Variants in CCDC8 observed in about 807,000 individuals in gnomAD.
CCDC8 encodes the protein coiled-coil domain containing 8 subunit of 3M complex, also known as coiled-coil domain-containing protein 8.
CCDC8 carries 6 observed loss-of-function variants against 5.2 expected under a neutral mutation model. The observed-to-expected ratio is 1.16, with a 90% CI of 0.63 to 2.28. The LOEUF is 2.28. Ranked by LOEUF, CCDC8 falls within the 30% of genes most tolerant of loss-of-function variation. The pLI, the probability that CCDC8 is intolerant of heterozygous loss-of-function variation, is 0.00. For synonymous variants in CCDC8, 310 were observed against 286.5 expected (o/e 1.08, Z -0.83); for missense variants, 724 against 712.2 (o/e 1.02, Z -0.19).
At position 46,411,873 on chromosome 19, in the gene CCDC8, T is replaced by C; in HGVS notation, c.938A>G (p.Glu313Gly). 1 of 1,613,956 alleles carries C rather than the reference T, an allele frequency of 6.2e-7. No individual in the cohort carries two copies. Among genetic ancestry groups the C allele is most frequent in the African/African-American group, 1.3e-5 (1 of 74,996 alleles). Residue 313 changes from glutamate to glycine, a missense_variant, in exon 1 of 1, where the codon GAA becomes GGA. Transcript: ENST00000307522. ...TGCCCTCTGATTACCTGCAGCCCCT[T>C]CCCGCTGGTCAGCTATGGCCTCTTC... is the stretch of plus-strand genomic sequence containing the variant. ...QREEAIADQR[E>G]GAAGNQRAGA...
rs1276210718 is a variant in CCDC8, at chr19:46,411,832, G to A, written c.979C>T (p.Gln327Ter). 1 of 1,608,466 alleles carries A rather than the reference G, an allele frequency of 6.2e-7. No individual in the cohort carries two copies. The highest frequency in any genetic ancestry group is 2.2e-5 in the East Asian group (1 of 44,866). Residue 327 changes from glutamine to a stop codon, truncating the protein, a stop_gained, in exon 1 of 1, where the codon CAG (glutamine) becomes TAG (stop). Coordinates refer to ENST00000307522, the MANE Select transcript of CCDC8 (RefSeq NM_032040.5). LOFTEE classifies it low-confidence loss of function (END_TRUNC). The stretch of plus-strand genomic sequence containing the variant: ...TGATTATCTGCAGCCTCTGCCCCCT[G>A]GTCAGCTGGGGCCCCTGCCCTCTGA... Reference protein sequence around the residue: ...GNQRAGAPADQGAEAADNQRE... With the variant: ...GNQRAGAPAD
Position 46,412,547 on chromosome 19 carries a change from A to C in CCDC8, c.264T>G (p.Pro88=), listed in dbSNP as rs1372738092. The change falls in exon 1 of 1, where the codon CCT becomes CCG. Residue 88 remains proline, a synonymous_variant. Coordinates refer to ENST00000307522, the MANE Select transcript of CCDC8 (RefSeq NM_032040.5). The surrounding 1 kb of genome is among the most constrained non-coding windows in gnomAD (Gnocchi z 4.7). ...ACGTGCCCACGACCAGCCGGGGCGG[A>C]GGAGTCACCATCTGCTGCACTCTCC... ...VRRRVQQMVT[P]PPRLVVGTYD... 6.2e-7 allele frequency: 1 copy of C among 1,606,906 alleles called. No homozygotes were observed.
rs1224913332 is a variant in CCDC8 at position 46,412,579 on chromosome 19, C to A, written c.232G>T (p.Val78Leu). Reference sequence around the variant, plus strand: ...ACCATCTGCTGCACTCTCCTCCTCACTCGGGGCTCCTTGGGCTTTTTGGGG... The same window carrying A: ...ACCATCTGCTGCACTCTCCTCCTCAATCGGGGCTCCTTGGGCTTTTTGGGG... ...QPPKKPKEPR[V>L]RRRVQQMVTP... Residue 78 changes from valine (V) to leucine (L), a missense_variant, in exon 1 of 1, where the codon GTG becomes TTG. Transcript: ENST00000307522. The surrounding 1 kb of genome is among the most constrained non-coding windows in gnomAD (Gnocchi z 4.7). The A allele has an allele frequency of 6.2e-7, 1 of 1,604,626 alleles. No homozygotes were observed. Among genetic ancestry groups the A allele is most frequent in the African/African-American group, 1.3e-5 (1 of 74,660 alleles).
chr19:46,412,583 G>C lies in CCDC8; in HGVS notation c.228C>G (p.Pro76=). ...PPQPPKKPKE[P]RVRRRVQQMV... is the part of the protein sequence containing the mutation. Reference sequence around the variant, plus strand: ...TCTGCTGCACTCTCCTCCTCACTCGGGGCTCCTTGGGCTTTTTGGGGGGCT... The same window carrying C: ...TCTGCTGCACTCTCCTCCTCACTCGCGGCTCCTTGGGCTTTTTGGGGGGCT... The change falls in exon 1 of 1, where the codon CCC becomes CCG. Residue 76 remains proline (P), a synonymous_variant. Coordinates refer to ENST00000307522, the MANE Select transcript of CCDC8 (RefSeq NM_032040.5). The surrounding 1 kb of genome is among the most constrained non-coding windows in gnomAD (Gnocchi z 4.7). 6.2e-7 allele frequency: 1 copy of C among 1,603,980 alleles called. No homozygotes were observed.
chr19:46,412,095 G>A lies in CCDC8; in HGVS notation c.716C>T (p.Ala239Val). 2 of 1,599,506 alleles carry A rather than the reference G, an allele frequency of 1.3e-6. No homozygotes were observed. Among genetic ancestry groups the A allele is most frequent in the Non-Finnish European group, 1.7e-6 (2 of 1,179,950 alleles). Residue 239 changes from alanine to valine, a missense_variant, in exon 1 of 1, where the codon GCG becomes GTG. By Grantham distance (64) the Ala-to-Val change is moderately conservative. Transcript: ENST00000307522. This position sits in a 1 kb window ranked among gnomAD's most constrained non-coding sequence, Gnocchi z 4.7. ...ATCCCCCGGGCTGGTGCCCTCTGGC[G>A]CCGATGATACCCCTGCGCTCTCCAC... ...TAVESAGVSS[A>V]PEGTSPGDRL... is the part of the protein sequence containing the mutation.
Position 46,412,582 on chromosome 19 carries a change from G to A in CCDC8, c.229C>T (p.Arg77Ter), listed in dbSNP as rs763788893. Residue 77 changes from arginine (R) to a stop codon, truncating the protein, a stop_gained, in exon 1 of 1, where the codon CGA becomes TGA. Transcript: ENST00000307522. LOFTEE classifies it low-confidence loss of function (END_TRUNC). This position sits in a 1 kb window ranked among gnomAD's most constrained non-coding sequence, Gnocchi z 4.7. ...ATCTGCTGCACTCTCCTCCTCACTC[G>A]GGGCTCCTTGGGCTTTTTGGGGGGC... ...PQPPKKPKEP[R>*]VRRRVQQMVT... 1.9e-6 allele frequency: 3 copies of A among 1,604,518 alleles called. No individual in the cohort carries two copies. The highest frequency in any genetic ancestry group is 1.1e-5 in the South Asian group (1 of 90,738).
rs762694725 is a variant in CCDC8, at chr19:46,411,974, C to T, written c.837G>A (p.Lys279=). 3 of 1,608,812 alleles carry T rather than the reference C, an allele frequency of 1.9e-6. No homozygotes were observed. The highest frequency in any genetic ancestry group is 1.3e-5 in the African/African-American group (1 of 74,916). Residue 279 remains lysine (K), a synonymous_variant, in exon 1 of 1, where the codon AAG becomes AAA. Transcript: ENST00000307522. The stretch of plus-strand genomic sequence containing the variant: ...CCTGACCTGTGGGTGCTGTCTGCTC[C>T]TTCCTGCGGCGCCGAAAGGAGGCCC... ...INWASFRRRR[K]EQTAPTGQGA... is the part of the protein sequence containing the mutation.
At position 46,412,339 on chromosome 19, in the gene CCDC8, G is replaced by T; in HGVS notation, c.472C>A (p.Arg158=). 1 of 1,613,068 alleles carries T rather than the reference G, an allele frequency of 6.2e-7. No homozygotes were observed. ...DDEELVEAFL[R]RQEKQPSAPP... is the part of the protein sequence containing the mutation. ...GCGCTGGGCTGCTTCTCCTGTCGCCGGAGGAAGGCCTCGACCAGTTCCTCA... is the reference window on the plus strand; with the variant it reads ...GCGCTGGGCTGCTTCTCCTGTCGCCTGAGGAAGGCCTCGACCAGTTCCTCA... The change falls in exon 1 of 1, where the codon CGG becomes AGG. Residue 158 remains arginine (R), a synonymous_variant. Transcript: ENST00000307522. The surrounding 1 kb of genome is among the most constrained non-coding windows in gnomAD (Gnocchi z 4.7).
chr19:46,411,094 A>AC lies in CCDC8; in HGVS notation c.*99dup, dbSNP rs1329374940. On this transcript the variant is annotated 3_prime_UTR_variant, in exon 1 of 1. Transcript: ENST00000307522. The stretch of plus-strand genomic sequence containing the variant: ...GAATAAAGAGGGTTGTTAGGTGGAG[A>AC]CGTGGCCAGCACTCCACCTCCACTT... The AC allele has an allele frequency of 1.2e-5, 16 of 1,364,104 alleles. No individual in the cohort carries two copies. Among genetic ancestry groups the AC allele is most frequent in the Non-Finnish European group, 1.4e-5 (14 of 970,722 alleles). 84.5% of individuals were successfully genotyped at this position (1,364,104 alleles called of 1,614,324 possible).
rs531706488 is a variant in CCDC8, at chr19:46,411,020, T to C, written c.*174A>G. 5 of 750,608 alleles carry C rather than the reference T, an allele frequency of 6.7e-6. No individual in the cohort carries two copies. Among genetic ancestry groups the C allele is most frequent in the Admixed American group, 5.7e-5 (2 of 35,322 alleles). The allele number at this position is 750,608 out of a possible 1,614,324, so 46.5% of individuals were successfully genotyped here. On this transcript the variant is annotated 3_prime_UTR_variant, in exon 1 of 1. Coordinates refer to ENST00000307522, the MANE Select transcript of CCDC8 (RefSeq NM_032040.5). ...CTGGGCAACAGAGTGAGACCCTGTC[T>C]CTAAAAAATTTAAAAAAAAATCAAA...
At position 46,411,858 on chromosome 19, in the gene CCDC8, T is replaced by C. The variant is rs1332890816; in HGVS notation, c.953A>G (p.Asn318Ser). ...IADQREGAAG[N>S]QRAGAPADQG... is the part of the protein sequence containing the mutation. ...GTCAGCTGGGGCCCCTGCCCTCTGA[T>C]TACCTGCAGCCCCTTCCCGCTGGTC... The change falls in exon 1 of 1, where the codon AAT (asparagine) becomes AGT (serine). Residue 318 changes from asparagine to serine, a missense_variant. Coordinates refer to ENST00000307522, the MANE Select transcript of CCDC8 (RefSeq NM_032040.5). 1.2e-6 allele frequency: 2 copies of C among 1,613,788 alleles called. No homozygotes were observed. The highest frequency in any genetic ancestry group is 1.1e-5 in the South Asian group (1 of 91,070).
At position 46,411,920 on chromosome 19, in the gene CCDC8, TC is replaced by T. The variant is rs1450099223; in HGVS notation, c.890del (p.Gly297GlufsTer12). On this transcript the variant is annotated frameshift_variant, in exon 1 of 1. Coordinates refer to ENST00000307522, the MANE Select transcript of CCDC8 (RefSeq NM_032040.5). LOFTEE classifies it low-confidence loss of function (END_TRUNC). ...QGADIEADQG[G>X]EAADSQREEA... ...CTTCCCTTTGACTATCTGCAGCCTC[TC>T]CCCCCTGATCAGCCTCGATGTCTGC... The T allele has an allele frequency of 1.2e-6, 2 of 1,611,708 alleles. No individual in the cohort carries two copies. The highest frequency in any genetic ancestry group is 2.7e-5 in the African/African-American group (2 of 74,828).
rs1973233459 is a variant in CCDC8, at chr19:46,411,846, C to T, written c.965G>A (p.Gly322Glu). The T allele has an allele frequency of 6.2e-7, 1 of 1,613,172 alleles. No individual in the cohort carries two copies. Among genetic ancestry groups the T allele is most frequent in the East Asian group, 2.2e-5 (1 of 44,852 alleles). The change falls in exon 1 of 1, where the codon GGG becomes GAG. Residue 322 changes from glycine to glutamate, a missense_variant. Coordinates refer to ENST00000307522, the MANE Select transcript of CCDC8 (RefSeq NM_032040.5). ...REGAAGNQRA[G>E]APADQGAEAA... ...CTCTGCCCCCTGGTCAGCTGGGGCC[C>T]CTGCCCTCTGATTACCTGCAGCCCC...
chr19:46,412,410 T>C lies in CCDC8; in HGVS notation c.401A>G (p.Tyr134Cys). The C allele has an allele frequency of 6.2e-7, 1 of 1,613,464 alleles. No individual in the cohort carries two copies. The highest frequency in any genetic ancestry group is 8.5e-7 in the Non-Finnish European group (1 of 1,179,978). The change falls in exon 1 of 1, where the codon TAC becomes TGC. Residue 134 changes from tyrosine to cysteine, a missense_variant. By Grantham distance (194) the Tyr-to-Cys change is radical. Coordinates refer to ENST00000307522, the MANE Select transcript of CCDC8 (RefSeq NM_032040.5). The surrounding 1 kb of genome is among the most constrained non-coding windows in gnomAD (Gnocchi z 4.7). ...GCTTCCCAGGAACTTGCTGCCCAGG[T>C]AGCTGACGGGCATTTTGCGCACCTT... Reference protein sequence around the residue: ...GKKVRKMPVSYLGSKFLGSDL... With the variant: ...GKKVRKMPVSCLGSKFLGSDL...
In CCDC8 at chr19:46,412,685, G is replaced by C. The variant is rs35517294; in HGVS notation, c.126C>G (p.Thr42=). 2.5e-6 allele frequency: 4 copies of C among 1,611,700 alleles called. No individual in the cohort carries two copies. The highest frequency in any genetic ancestry group is 3.4e-6 in the Non-Finnish European group (4 of 1,179,848). Residue 42 remains threonine (T), a synonymous_variant, in exon 1 of 1, where the codon ACC becomes ACG. Coordinates refer to ENST00000307522, the MANE Select transcript of CCDC8 (RefSeq NM_032040.5). This position sits in a 1 kb window ranked among gnomAD's most constrained non-coding sequence, Gnocchi z 4.7. ...TKEAEFRERL[T]QFLEEEGRTL... is the part of the protein sequence containing the mutation. ...TGCGGCCCTCTTCTTCCAGGAACTGGGTCAGCCGCTCCCGAAATTCTGCTT... is the reference window on the plus strand; with the variant it reads ...TGCGGCCCTCTTCTTCCAGGAACTGCGTCAGCCGCTCCCGAAATTCTGCTT...
In CCDC8 at chr19:46,411,693, G is replaced by A; in HGVS notation, c.1118C>T (p.Ala373Val). 1 of 1,586,098 alleles carries A rather than the reference G, an allele frequency of 6.3e-7. No homozygotes were observed. The highest frequency in any genetic ancestry group is 1.2e-5 in the South Asian group (1 of 86,782). The change falls in exon 1 of 1, where the codon GCT becomes GTT. Residue 373 changes from alanine (A) to valine (V), a missense_variant. Physicochemically the swap from Ala to Val is moderately conservative, Grantham distance 64 (BLOSUM62 0). Coordinates refer to ENST00000307522, the MANE Select transcript of CCDC8 (RefSeq NM_032040.5). The stretch of plus-strand genomic sequence containing the variant: ...ATCTGTGCCCTGTGACCTCTGGTCA[G>A]CTGGGGCCTCTGCCCTCTGATTATC... ...AADNQRAEAPADQRSQGTDNH... is the reference protein window; with the variant it reads ...AADNQRAEAPVDQRSQGTDNH...
In CCDC8 at chr19:46,411,857, A is replaced by C. The variant is rs143086771; in HGVS notation, c.954T>G (p.Asn318Lys). 9,826 of 1,613,626 alleles carry C rather than the reference A, an allele frequency of 6.1e-3. 43 individuals are homozygous for C. The highest frequency in any genetic ancestry group is 0.015 in the Middle Eastern group (93 of 6,062). Residue 318 changes from asparagine to lysine, a missense_variant, in exon 1 of 1, where the codon AAT becomes AAG. By Grantham distance (94) the Asn-to-Lys change is moderately conservative (BLOSUM62 0). Transcript: ENST00000307522. ...GGTCAGCTGGGGCCCCTGCCCTCTG[A>C]TTACCTGCAGCCCCTTCCCGCTGGT... The part of the protein sequence containing the change: ...IADQREGAAG[N>K]QRAGAPADQG...
In CCDC8 at chr19:46,411,305, C is replaced by T. The variant is rs1199626841; in HGVS notation, c.1506G>A (p.Leu502=). Residue 502 remains leucine, a synonymous_variant, in exon 1 of 1, where the codon TTG becomes TTA. Transcript: ENST00000307522. ...TGGGGACTCTCTTGGGCAGGGTTGG[C>T]AACCGGGGAGTGTGCCAGAAGGCTC... is the stretch of plus-strand genomic sequence containing the variant. The part of the protein sequence containing the change: ...RRRAFWHTPR[L]PTLPKRVPRA... The T allele has an allele frequency of 3.7e-6, 6 of 1,614,094 alleles. No homozygotes were observed. Among genetic ancestry groups the T allele is most frequent in the Admixed American group, 3.3e-5 (2 of 60,012 alleles).
Position 46,411,301 on chromosome 19 carries a change from T to G in CCDC8, c.1510A>C (p.Thr504Pro). The G allele has an allele frequency of 6.2e-7, 1 of 1,614,168 alleles. No individual in the cohort carries two copies. The highest frequency in any genetic ancestry group is 8.5e-7 in the Non-Finnish European group (1 of 1,180,006). The part of the protein sequence containing the change: ...RAFWHTPRLP[T>P]LPKRVPRAGE... ...GCCCTGGGGACTCTCTTGGGCAGGG[T>G]TGGCAACCGGGGAGTGTGCCAGAAG... Residue 504 changes from threonine (T) to proline (P), a missense_variant, in exon 1 of 1, where the codon ACC becomes CCC. Thr to Pro is a conservative substitution (Grantham distance 38, BLOSUM62 -1). Coordinates refer to ENST00000307522, the MANE Select transcript of CCDC8 (RefSeq NM_032040.5).
Sources: gnomAD v4.1 joint callset for allele counts on GRCh38, gnomAD v4.1.1 for gene constraint, Gnocchi (gnomAD v3.1) non-coding constraint, MANE v1.5 for transcripts, NCBI Gene and HGNC (gene_info 2026-07-23, HGNC 2026-07-21) for gene names.